YWHAZ: variants seen among roughly 807,000 people sequenced by gnomAD.
The protein encoded by YWHAZ is 14-3-3 protein zeta/delta.
For synonymous variants in YWHAZ, 87 were observed against 103.6 expected (o/e 0.84, Z 0.97); for missense variants, 79 against 284.8 (o/e 0.28, Z 5.20).
chr8:100,937,262 C>T (rs1267431186), intron 2 of YWHAZ, among the ~76,000 whole-genome samples: 1 of 151,812 alleles, frequency 6.6e-6, no homozygotes, highest in African/African-American at 2.4e-5. Flanking sequence ...CTGAAAGATA[C>T]CCTTTTTCAT....
chr8:100,924,273 T>C lies in YWHAZ; in HGVS notation c.444A>G (p.Ala148=), dbSNP rs779543486. The stretch of plus-strand genomic sequence containing the variant: ...TGCTGATTTCAAAAGCTTCTTGGTA[T>C]GCTTGTTGTGACTGATCGACAATCC... ...KKGIVDQSQQ[A]YQEAFEISKK... Residue 148 remains alanine (A), a synonymous_variant, in exon 4 of 6, where the codon GCA becomes GCG. Coordinates refer to ENST00000395958, the MANE Select transcript of YWHAZ (RefSeq NM_145690.3). This position sits in a 1 kb window ranked among gnomAD's most constrained non-coding sequence, Gnocchi z 5.7. The C allele has an allele frequency of 1.2e-6, 2 of 1,613,684 alleles. No homozygotes were observed. Among genetic ancestry groups the C allele is most frequent in the South Asian group, 2.2e-5 (2 of 91,070 alleles).
In YWHAZ at chr8:100,952,008, C is replaced by G; in HGVS notation, c.-91G>C. On this transcript the variant is annotated 5_prime_UTR_variant, in exon 1 of 6. Transcript: ENST00000395958. Reference sequence around the variant, plus strand: ...GGCGGCGGCGGCAGCAGCGGCGAGGCTGAGACTCTGTCCCTGGATCTCGCT... The same window carrying G: ...GGCGGCGGCGGCAGCAGCGGCGAGGGTGAGACTCTGTCCCTGGATCTCGCT... The G allele has an allele frequency of 1.2e-5, 12 of 1,001,300 alleles. No individual in the cohort carries two copies. The highest frequency in any genetic ancestry group is 1.4e-5 in the Non-Finnish European group (12 of 841,028). The allele number at this position is 1,001,300 out of a possible 1,614,324, so 62.0% of individuals were successfully genotyped here. A position where few individuals can be genotyped will look rare whatever the true frequency, so the allele number is the denominator to read the frequency against.
intron 2 of YWHAZ, among the ~76,000 whole-genome samples, chr8:100,945,371 C>T (rs1321885277): frequency 6.6e-6 from 1 of 152,150 alleles, no homozygotes; most frequent in Non-Finnish European, 1.5e-5. Context: ...TGGAGATTAG[C>T]TGCTTTTTGT....
intron 1 of YWHAZ, among the ~76,000 whole-genome samples, chr8:100,949,126 T>G (rs933633529): frequency 6.6e-6 from 1 of 152,186 alleles, no homozygotes; most frequent in African/African-American, 2.4e-5. Context: ...AACACATCAG[T>G]GTAGCAAAAC....
intron 2 of YWHAZ, chr8:100,931,886 A>T (rs1240805514): frequency 6.6e-6 from 1 of 152,224 alleles, no homozygotes; most frequent in African/African-American, 2.4e-5. Flanking sequence ...AAAAGTTTTC[A>T]TTCAAAAACA....
At chr8:100,925,104 T>G (rs776125133) in intron 2 of YWHAZ, 65 bp from the exon 3 acceptor site, 4 of 1,512,628 alleles carry the variant, frequency 2.6e-6, no homozygotes, top group Non-Finnish European at 3.6e-6. Context: ...GAACTTGCAT[T>G]TCTTAAAGAA....
rs1586073064 is a variant in YWHAZ, at chr8:100,918,948, AG to A, written c.*1744del. 2 of 152,694 alleles carry A rather than the reference AG, an allele frequency of 1.3e-5. No individual in the cohort carries two copies. Among genetic ancestry groups the A allele is most frequent in the East Asian group, 3.9e-4 (2 of 5,184 alleles). The allele number at this position is 152,694 out of a possible 1,614,324, so 9.5% of individuals were successfully genotyped here. On this transcript the variant is annotated 3_prime_UTR_variant, in exon 6 of 6. Transcript: ENST00000395958. ...CCCATCATTATTTAGAGAATAGAGG[AG>A]GAAGAAAGAGGAAGGATTTTAAAGG...
chr8:100,922,795 C>G lies in YWHAZ; in HGVS notation c.678+1160G>C, dbSNP rs919580057. ...CTCAAAAAGTGATGTGAACAAAACA[C>G]AGTATCTAGGTCTCAGGTCATCACT... On this transcript the variant is annotated intron_variant, in intron 5 of 5. Transcript: ENST00000395958. The surrounding 1 kb of genome is among the most constrained non-coding windows in gnomAD (Gnocchi z 4.1). 3 of 152,206 alleles carry G rather than the reference C, an allele frequency of 2.0e-5. No individual in the cohort carries two copies. The highest frequency in any genetic ancestry group is 2.9e-5 in the Non-Finnish European group (2 of 68,034). The allele number at this position is 152,206 out of a possible 1,614,324, so 9.4% of individuals were successfully genotyped here.
intron 2 of YWHAZ, among the ~76,000 whole-genome samples, chr8:100,928,196 T>C (rs3100054): frequency 0.99 from 150,738 of 152,180 alleles, 74,660 homozygotes; most frequent in East Asian, 1. Flanking sequence ...AGGAGAACAG[T>C]GTGAACCCGG....
intron 2 of YWHAZ, among the ~76,000 whole-genome samples, chr8:100,944,306 A>C (rs1439083899): frequency 6.6e-6 from 1 of 152,182 alleles, no homozygotes; most frequent in Non-Finnish European, 1.5e-5. Context: ...TTGCTTTCTT[A>C]TTTCTGTTTA....
chr8:100,925,834 G>A (rs1006762002), intron 2 of YWHAZ, among the ~76,000 whole-genome samples: 3 of 152,142 alleles, frequency 2.0e-5, no homozygotes, highest in African/African-American at 7.2e-5. Context: ...AGATCATTGT[G>A]TTGGGGATGG....
intron 2 of YWHAZ, among the ~76,000 whole-genome samples, chr8:100,940,125 TTAA>T (rs1206483640): frequency 6.6e-6 from 1 of 150,718 alleles, no homozygotes; most frequent in African/African-American, 2.4e-5. Flanking sequence ...CAAAAAGAAC[TTAA>T]TGAGTAGTTA....
intron 2 of YWHAZ, among the ~76,000 whole-genome samples, chr8:100,930,204 T>G (rs1456882884): frequency 1.3e-5 from 2 of 152,206 alleles, no homozygotes; most frequent in African/African-American, 4.8e-5. Context: ...GTTCAAGTGA[T>G]TCTTCTGCCT....
rs113787702 is a variant in YWHAZ, at chr8:100,927,891, T to G, written c.295-2852A>C. Among the ~76,000 whole-genome samples, 770 of 152,314 alleles carry G rather than the reference T, an allele frequency of 5.1e-3. 5 individuals carry two copies. Among genetic ancestry groups the G allele is most frequent in the Non-Finnish European group, 8.1e-3 (554 of 68,024 alleles). On this transcript the variant is annotated intron_variant, in intron 2 of 5. Coordinates refer to ENST00000395958, the MANE Select transcript of YWHAZ (RefSeq NM_145690.3). The stretch of plus-strand genomic sequence containing the variant: ...TAGAACCCACAAGTAACAGGAGGGC[T>G]GGGTAAACAGCAGTCAGGCTGCTTA...
In YWHAZ at chr8:100,951,965, G is replaced by A. The variant is rs924724444; in HGVS notation, c.-48C>T. 4 of 1,004,480 alleles carry A rather than the reference G, an allele frequency of 4.0e-6. No homozygotes were observed. Among genetic ancestry groups the A allele is most frequent in the Non-Finnish European group, 4.7e-6 (4 of 843,340 alleles). 62.2% of individuals were successfully genotyped at this position (1,004,480 alleles called of 1,614,324 possible). ...GTGGGTGGTGGCGGCGGACGGACGG[G>A]CTCAGCAGTCTCTGGGCGGCGGCGG... On this transcript the variant is annotated 5_prime_UTR_variant, in exon 1 of 6. Transcript: ENST00000395958.
intron 2 of YWHAZ, among the ~76,000 whole-genome samples, chr8:100,931,260 A>C (rs1453117411): frequency 1.3e-5 from 2 of 152,228 alleles, no homozygotes; most frequent in Non-Finnish European, 2.9e-5. Flanking sequence ...GGAACCACAT[A>C]AATTGACAGG....
rs1812888729 is a variant in YWHAZ, at chr8:100,919,689, T to C, written c.*1004A>G. 6.6e-6 allele frequency: 1 copy of C among 152,422 alleles called. No homozygotes were observed. The highest frequency in any genetic ancestry group is 2.4e-5 in the African/African-American group (1 of 41,276). 9.4% of individuals were successfully genotyped at this position (152,422 alleles called of 1,614,324 possible). On this transcript the variant is annotated 3_prime_UTR_variant, in exon 6 of 6. Coordinates refer to ENST00000395958, the MANE Select transcript of YWHAZ (RefSeq NM_145690.3). ...TTTACATGAAAAGCTGTAGAGAAAGTAGTTGAAAAGTCCATTCATAAAACT... is the reference window on the plus strand; with the variant it reads ...TTTACATGAAAAGCTGTAGAGAAAGCAGTTGAAAAGTCCATTCATAAAACT...
chr8:100,929,607 T>C lies in YWHAZ; in HGVS notation c.295-4568A>G, dbSNP rs187173385. Among the ~76,000 whole-genome samples, 139 of 152,382 alleles carry C rather than the reference T, an allele frequency of 9.1e-4. 1 individual carries two copies. The highest frequency in any genetic ancestry group is 8.2e-3 in the Admixed American group (126 of 15,310). ...ATTTCCCTACTGTACTATTGAATAC[T>C]AGAACTTATTTCTACTATCTAACCG... On this transcript the variant is annotated intron_variant, in intron 2 of 5. Transcript: ENST00000395958.
chr8:100,921,978 T>C (rs893780521), intron 5 of YWHAZ, among the ~76,000 whole-genome samples: 2 of 152,236 alleles, frequency 1.3e-5, no homozygotes, highest in Non-Finnish European at 2.9e-5. Context: ...TTAGCTTCAT[T>C]TATCTACTAA....
Sources: allele counts gnomAD v4.1 joint callset (sites outside exome capture counted in the v4.1 genomes callset), GRCh38; gene constraint gnomAD v4.1.1; non-coding constraint Gnocchi (gnomAD v3.1); transcripts MANE v1.5; gene names NCBI Gene and HGNC (gene_info 2026-07-23, HGNC 2026-07-21).